Variants in MAST2 observed in about 807,000 individuals in gnomAD.
MAST2 encodes microtubule-associated serine/threonine-protein kinase 2.
A neutral mutation model predicts 147.4 loss-of-function variants in MAST2; 70 were observed. The observed-to-expected ratio is 0.47, with a 90% CI of 0.39 to 0.58. MAST2 has a LOEUF of 0.58. Ranked by LOEUF, MAST2 falls within the 20% of genes least tolerant of loss-of-function variation. The pLI, the probability that MAST2 is intolerant of heterozygous loss-of-function variation, is 0.00. For missense variants in MAST2, 2,080 were observed against 2,302.3 expected (o/e 0.90, Z 1.98); for synonymous variants, 869 against 896.8 (o/e 0.97, Z 0.55).
Position 46,032,215 on chromosome 1 carries a change from C to T in MAST2, c.3225C>T (p.Ser1075=). 6.2e-7 allele frequency: 1 copy of T among 1,614,204 alleles called. No homozygotes were observed. Among genetic ancestry groups the T allele is most frequent in the African/African-American group, 1.3e-5 (1 of 75,052 alleles). The change falls in exon 25 of 29, where the codon TCC becomes TCT. Residue 1075 remains serine, a synonymous_variant. Coordinates refer to ENST00000361297, the MANE Select transcript of MAST2 (RefSeq NM_015112.3). ...GCTCCCCGTTGGCCAGCCCCATGTCCCCACATTCTCAGTCGTCCAACCCAT... is the reference window on the plus strand; with the variant it reads ...GCTCCCCGTTGGCCAGCCCCATGTCTCCACATTCTCAGTCGTCCAACCCAT... ...HTCSPLASPM[S]PHSQSSNPSS...
chr1:45,865,057 A>G (rs1646099026), intron 3 of MAST2: 1 of 453,342 alleles, frequency 2.2e-6, no homozygotes, highest in Non-Finnish European at 4.4e-6. Context: ...AGGCACTAGT[A>G]GTTGACTGTC....
At chr1:45,880,706 C>T (rs981363293) in intron 3 of MAST2, among the ~76,000 whole-genome samples, 1 of 151,808 alleles carries the variant, frequency 6.6e-6, no homozygotes, top group Non-Finnish European at 1.5e-5. Flanking sequence ...ACCGGCTGGG[C>T]GTGATGGCTG....
chr1:45,839,183 C>G (rs1273809618), intron 3 of MAST2, among the ~76,000 whole-genome samples: 3 of 142,424 alleles, frequency 2.1e-5, no homozygotes, highest in Non-Finnish European at 4.5e-5. Context: ...GGCTAGAGTG[C>G]AATGGCATGG....
At chr1:45,906,570 A>C (rs1345319268) in intron 4 of MAST2, among the ~76,000 whole-genome samples, 1 of 148,406 alleles carries the variant, frequency 6.7e-6, no homozygotes, top group Non-Finnish European at 1.5e-5. Flanking sequence ...TACAATGTTT[A>C]TATGTTATTA....
rs757680060 is a variant in MAST2, at chr1:46,031,470, T to C, written c.3072T>C (p.Arg1024=). The C allele has an allele frequency of 2.5e-6, 4 of 1,614,024 alleles. No individual in the cohort carries two copies. In the African/African-American group the frequency reaches 4.0e-5, roughly 16 times the overall value. ...TAKAISDLAV[R]RARHRLLSGD... Reference sequence around the variant, plus strand: ...AGGCCATCAGTGACCTGGCTGTGCGTAGGGCCCGCCACCGGCTGCTCTCTG... The same window carrying C: ...AGGCCATCAGTGACCTGGCTGTGCGCAGGGCCCGCCACCGGCTGCTCTCTG... The change falls in exon 24 of 29, where the codon CGT becomes CGC. Residue 1024 remains arginine (R), a synonymous_variant. Coordinates refer to ENST00000361297, the MANE Select transcript of MAST2 (RefSeq NM_015112.3). This position sits in a 1 kb window ranked among gnomAD's most constrained non-coding sequence, Gnocchi z 4.1.
rs1645113380 is a variant in MAST2 at position 45,997,729 on chromosome 1, A to G, written c.598A>G (p.Ser200Gly). The G allele has an allele frequency of 6.2e-7, 1 of 1,613,880 alleles. No individual in the cohort carries two copies. Among genetic ancestry groups the G allele is most frequent in the Non-Finnish European group, 8.5e-7 (1 of 1,179,714 alleles). Residue 200 changes from serine to glycine, a missense_variant, in exon 6 of 29, where the codon AGT (serine) becomes GGT (glycine). Physicochemically the swap from Ser to Gly is moderately conservative, Grantham distance 56. Coordinates refer to ENST00000361297, the MANE Select transcript of MAST2 (RefSeq NM_015112.3). ...GTTTCTTTTCCCATCCACAGGTAAC[A>G]GTCCTTTGGACAGCCCCCGGAATTT... ...HSPLHGHTGN[S>G]PLDSPRNFSP...
chr1:45,853,045 C>T (rs1194716682), intron 3 of MAST2, among the ~76,000 whole-genome samples: 5 of 151,970 alleles, frequency 3.3e-5, no homozygotes, highest in Non-Finnish European at 7.4e-5. Flanking sequence ...ATTCTCATAC[C>T]TCATCCTCCC....
chr1:45,813,996 G>A (rs1406805247), intron 1 of MAST2, among the ~76,000 whole-genome samples: 1 of 152,062 alleles, frequency 6.6e-6, no homozygotes. Context: ...ATTGCCTAGT[G>A]ACATCTAGCT....
intron 5 of MAST2, among the ~76,000 whole-genome samples, chr1:45,964,291 G>A (rs891738454): frequency 6.6e-5 from 10 of 152,180 alleles, no homozygotes; most frequent in Admixed American, 1.3e-4. Context: ...AGAAGGAATA[G>A]TACCAGCTCC....
At chr1:46,017,872 T>C (rs1646023934) in intron 10 of MAST2, among the ~76,000 whole-genome samples, 1 of 152,214 alleles carries the variant, frequency 6.6e-6, no homozygotes, top group Admixed American at 6.5e-5. Flanking sequence ...TGCACACGTA[T>C]GTTTATTGCG....
chr1:45,825,559 A>G (rs1644766086), intron 2 of MAST2, among the ~76,000 whole-genome samples: 1 of 151,210 alleles, frequency 6.6e-6, no homozygotes, highest in Admixed American at 6.6e-5. Flanking sequence ...CAGCCTCCTG[A>G]GTAGCTGGGA....
chr1:45,849,476 A>G (rs1435110400), intron 3 of MAST2, among the ~76,000 whole-genome samples: 1 of 151,954 alleles, frequency 6.6e-6, no homozygotes, highest in Admixed American at 6.6e-5. Context: ...AAGTAATGAT[A>G]CTGGGATAAC....
chr1:45,875,319 G>A (rs1197106975), intron 3 of MAST2, among the ~76,000 whole-genome samples: 1 of 152,140 alleles, frequency 6.6e-6, no homozygotes, highest in Non-Finnish European at 1.5e-5. Flanking sequence ...GGTGGCGCAT[G>A]CCTGTAATCC....
At chr1:45,850,836 CTTT>C (rs35427966) in intron 3 of MAST2, among the ~76,000 whole-genome samples, 12 of 113,536 alleles carry the variant, frequency 1.1e-4, no homozygotes, top group East Asian at 5.0e-4. Context: ...CAGTACTATG[CTTT>C]TTTTTTTTTT....
intron 3 of MAST2, among the ~76,000 whole-genome samples, chr1:45,875,401 G>A (rs536376410): frequency 1.3e-5 from 2 of 152,196 alleles, no homozygotes; most frequent in South Asian, 4.1e-4. Flanking sequence ...AGCCAAGATC[G>A]CGCCACTGCA....
chr1:45,952,587 G>T (rs566319914), intron 4 of MAST2, among the ~76,000 whole-genome samples: 2 of 152,230 alleles, frequency 1.3e-5, no homozygotes, highest in East Asian at 3.9e-4. Context: ...GACAGAAAAA[G>T]AAAAATTAAG....
chr1:45,950,370 G>T (rs1557952383), intron 4 of MAST2, among the ~76,000 whole-genome samples: 1 of 152,098 alleles, frequency 6.6e-6, no homozygotes, highest in African/African-American at 2.4e-5. Context: ...CATACAATTA[G>T]GACCCTCAAA....
chr1:45,986,229 T>G (rs911187125), intron 5 of MAST2, among the ~76,000 whole-genome samples: 3 of 152,236 alleles, frequency 2.0e-5, no homozygotes, highest in Non-Finnish European at 4.4e-5. Context: ...AAAGTTTTTA[T>G]CAAAAATTAT....
chr1:45,921,933 A>G (rs1653566223), intron 4 of MAST2, among the ~76,000 whole-genome samples: 1 of 152,204 alleles, frequency 6.6e-6, no homozygotes, highest in Admixed American at 6.5e-5. Flanking sequence ...AGGTACACAG[A>G]CAAATATAGG....
Sources: allele counts gnomAD v4.1 joint callset (sites outside exome capture counted in the v4.1 genomes callset), GRCh38; gene constraint gnomAD v4.1.1; non-coding constraint Gnocchi (gnomAD v3.1); transcripts MANE v1.5; gene names NCBI Gene and HGNC (gene_info 2026-07-23, HGNC 2026-07-21).